Variants in ISCA1 observed in about 807,000 individuals in gnomAD.
The protein encoded by ISCA1 is iron-sulfur cluster assembly 1.
A neutral mutation model predicts 14.7 loss-of-function variants in ISCA1; 9 were observed. The observed-to-expected ratio is 0.61, with a 90% confidence interval of 0.37 to 1.07. The LOEUF (loss-of-function observed/expected upper bound fraction) is 1.07. Ranked by LOEUF, ISCA1 falls within the 50% of genes least tolerant of loss-of-function variation. ISCA1 has a pLI of 0.01. For missense variants in ISCA1, 102 were observed against 150.1 expected, an observed-to-expected ratio of 0.68 and a Z score of 1.67; for synonymous variants, 38 against 54.3, an observed-to-expected ratio of 0.70 and a Z score of 1.32.
chr9:86,267,590 T>A lies in ISCA1; in HGVS notation c.242-1399A>T. On this transcript the variant is annotated intron_variant, in intron 3 of 3. Transcript: ENST00000375991. ...AAATATAATTAATTTTAATTATAAA[T>A]TAAATTATAATAAATAGCTTTGAAT... The A allele has an allele frequency of 3.4e-6, 3 of 872,096 alleles. No homozygotes were observed. In the South Asian group the frequency reaches 1.6e-4, roughly 46 times the overall value. 54.0% of individuals were successfully genotyped at this position (872,096 alleles called of 1,614,324 possible). A position where few individuals can be genotyped will look rare whatever the true frequency, so the allele number is the denominator to read the frequency against.
At chr9:86,271,370 A>G (rs1042451953) in intron 3 of ISCA1, among the ~76,000 whole-genome samples, 4 of 152,174 alleles carry the variant, frequency 2.6e-5, no homozygotes, top group Admixed American at 2.6e-4. Context: ...ATATTTGTCT[A>G]ACGTCACATT....
At position 86,269,429 on chromosome 9, in the gene ISCA1, T is replaced by G. The variant is rs537202494; in HGVS notation, c.241+2578A>C. ...AGGAGAACTACAAACCACTGCTCAA[T>G]GAAATAAAAAAGGATACAAACAAAT... On this transcript the variant is annotated intron_variant, in intron 3 of 3. Coordinates refer to ENST00000375991, the MANE Select transcript of ISCA1 (RefSeq NM_030940.4). Among the ~76,000 whole-genome samples, 10 of 151,972 alleles carry G rather than the reference T, an allele frequency of 6.6e-5. No homozygotes were observed. The East Asian group carries it at 1.5e-3, about 24-fold the overall frequency.
intron 2 of ISCA1, 111 bp downstream of exon 2, chr9:86,274,078 T>C: frequency 3.2e-6 from 2 of 631,814 alleles, no homozygotes; most frequent in Non-Finnish European, 5.5e-6. Context: ...GAGTATATTT[T>C]ACATTTTAAA....
At position 86,268,754 on chromosome 9, in the gene ISCA1, G is replaced by GGGC. The variant is rs1427170051; in HGVS notation, c.242-2566_242-2564dup. On this transcript the variant is annotated intron_variant, in intron 3 of 3. Coordinates refer to ENST00000375991, the MANE Select transcript of ISCA1 (RefSeq NM_030940.4). The stretch of plus-strand genomic sequence containing the variant: ...GTCTCGCTATGTTGCCCAGGCTTAA[G>GGGC]GGCAGTGGCTATTCACAGGTAAGAA... 2.0e-5 allele frequency among the ~76,000 whole-genome samples: 3 copies of GGGC among 151,708 alleles called. No homozygotes were observed. The East Asian group carries it at 5.8e-4, about 29-fold the overall frequency.
intron 1 of ISCA1, chr9:86,282,051 A>C: frequency 3.2e-6 from 1 of 311,594 alleles, no homozygotes; most frequent in Non-Finnish European, 6.0e-6. Context: ...ACGGCCGAAC[A>C]GCGCAGGCCG....
rs571082437 is a variant in ISCA1, at chr9:86,278,739, A to C, written c.81+3639T>G. On this transcript the variant is annotated intron_variant, in intron 1 of 3. Coordinates refer to ENST00000375991, the MANE Select transcript of ISCA1 (RefSeq NM_030940.4). ...GCAGCCTCCATTGAAACAATTTAAC[A>C]AATTATTTTTTCATTTGATACATGG... 5.9e-5 allele frequency among the ~76,000 whole-genome samples: 9 copies of C among 152,316 alleles called. No individual in the cohort carries two copies. The South Asian group carries it at 1.9e-3, about 32-fold the overall frequency.
At position 86,266,012 on chromosome 9, in the gene ISCA1, T is replaced by C. The variant is rs760884183; in HGVS notation, c.*31A>G. The C allele has an allele frequency of 2.2e-5, 35 of 1,611,824 alleles. No individual in the cohort carries two copies. In the East Asian group the frequency reaches 7.3e-4, roughly 34 times the overall value. ...GCCCCAAAGCTTCCACGAGCTTTCCTGGAACCTACGGCCAGAAGAGTCCTG... is the reference window on the plus strand; with the variant it reads ...GCCCCAAAGCTTCCACGAGCTTTCCCGGAACCTACGGCCAGAAGAGTCCTG... On this transcript the variant is annotated 3_prime_UTR_variant, in exon 4 of 4. Transcript: ENST00000375991.
chr9:86,268,948 C>T (rs1036078108), intron 3 of ISCA1, among the ~76,000 whole-genome samples: 1 of 151,532 alleles, frequency 6.6e-6, no homozygotes, highest in Admixed American at 6.6e-5. Flanking sequence ...GCGTGTGCCA[C>T]CACACCCAGT....
chr9:86,268,608 G>C (rs1825322915), intron 3 of ISCA1, among the ~76,000 whole-genome samples: 1 of 152,118 alleles, frequency 6.6e-6, no homozygotes, highest in African/African-American at 2.4e-5. Context: ...CTCACTCACT[G>C]ACTCACGCGG....
At chr9:86,278,870 A>G (rs999671565) in intron 1 of ISCA1, among the ~76,000 whole-genome samples, 42 of 152,178 alleles carry the variant, frequency 2.8e-4, no homozygotes, top group African/African-American at 9.9e-4. Context: ...TAAAGATTAA[A>G]TAATTTGCAC....
chr9:86,276,774 C>T lies in ISCA1; in HGVS notation c.82-2532G>A, dbSNP rs149641963. Among the ~76,000 whole-genome samples, 563 of 148,278 alleles carry T rather than the reference C, an allele frequency of 3.8e-3. 10 individuals are homozygous for T. Among genetic ancestry groups the T allele is most frequent in the East Asian group, 0.033 (161 of 4,916 alleles). ...TAATCCCAGCTACTCCGGAGGCTGACGCATGAGAATCGCTTGAACCCAGGA... is the reference window on the plus strand; with the variant it reads ...TAATCCCAGCTACTCCGGAGGCTGATGCATGAGAATCGCTTGAACCCAGGA... On this transcript the variant is annotated intron_variant, in intron 1 of 3. Coordinates refer to ENST00000375991, the MANE Select transcript of ISCA1 (RefSeq NM_030940.4).
chr9:86,273,144 TAA>T (rs1375521790), intron 2 of ISCA1, among the ~76,000 whole-genome samples: 3 of 152,230 alleles, frequency 2.0e-5, no homozygotes, highest in Non-Finnish European at 2.9e-5. Context: ...TTAATAATTT[TAA>T]AAGGTAGGTT....
intron 3 of ISCA1, 113 bp from the exon 4 acceptor site, chr9:86,266,304 C>G (rs976698757): frequency 9.7e-6 from 14 of 1,437,652 alleles, no homozygotes; most frequent in African/African-American, 4.3e-5. Context: ...AAACAAGAAG[C>G]CTTGAACATT....
At chr9:86,271,773 C>T (rs1381869858) in intron 3 of ISCA1, among the ~76,000 whole-genome samples, 3 of 152,150 alleles carry the variant, frequency 2.0e-5, no homozygotes, top group African/African-American at 7.2e-5. Flanking sequence ...AACTATTTAA[C>T]CCCTCTGTGC....
chr9:86,266,934 G>C (rs934888101), intron 3 of ISCA1: 1 of 152,412 alleles, frequency 6.6e-6, no homozygotes, highest in African/African-American at 2.4e-5. Flanking sequence ...CTGGGCTCAA[G>C]TGATCCTCCC....
At chr9:86,274,368 A>G (rs530604188) in intron 1 of ISCA1, 126 bp from the exon 2 acceptor site, 12 of 644,020 alleles carry the variant, frequency 1.9e-5, no homozygotes, top group Non-Finnish European at 2.8e-5. Flanking sequence ...TTGCCAGGGT[A>G]CCTTATGGAC....
At chr9:86,266,329 T>C in intron 3 of ISCA1, 138 bp from the exon 4 acceptor site, 1 of 1,330,608 alleles carries the variant, frequency 7.5e-7, no homozygotes, top group Non-Finnish European at 1.0e-6. Flanking sequence ...ATTATTTCCT[T>C]AAGGAATTAA....
At chr9:86,272,708 C>T (rs1370513824) in intron 2 of ISCA1, among the ~76,000 whole-genome samples, 3 of 152,158 alleles carry the variant, frequency 2.0e-5, no homozygotes, top group Non-Finnish European at 4.4e-5. Flanking sequence ...CCAGGACTAA[C>T]TGAGTATACA....
At chr9:86,280,410 C>A (rs1158429242) in intron 1 of ISCA1, among the ~76,000 whole-genome samples, 1 of 151,442 alleles carries the variant, frequency 6.6e-6, no homozygotes, top group Non-Finnish European at 1.5e-5. Flanking sequence ...ATGGTGAAAC[C>A]CCATCTCTAC....
Sources: allele counts gnomAD v4.1 joint callset (sites outside exome capture counted in the v4.1 genomes callset), GRCh38; gene constraint gnomAD v4.1.1; transcripts MANE v1.5; gene names NCBI Gene and HGNC (gene_info 2026-07-23, HGNC 2026-07-21).